Variants in NDRG1 observed in about 807,000 individuals in gnomAD.
The protein encoded by NDRG1 is N-myc downstream regulated 1.
A neutral mutation model predicts 56.9 loss-of-function variants in NDRG1; 32 were observed. The ratio of observed to expected loss-of-function variants is 0.56; its 90% CI spans 0.42 to 0.76. The LOEUF is 0.76. Ranked by LOEUF, NDRG1 falls within the 30% of genes least tolerant of loss-of-function variation. The pLI is 0.00. For synonymous variants in NDRG1, 211 were observed against 204.1 expected, an observed-to-expected ratio of 1.03 and a Z score of -0.29; for missense variants, 507 against 545.7, an observed-to-expected ratio of 0.93 and a Z score of 0.71.
chr8:133,295,266 C>T (rs975387595), intron 1 of NDRG1, among the ~76,000 whole-genome samples: 1 of 152,242 alleles, frequency 6.6e-6, no homozygotes, highest in Admixed American at 6.5e-5. Context: ...TATTTCAACT[C>T]CTCCCACCTG....
intron 5 of NDRG1, among the ~76,000 whole-genome samples, chr8:133,261,342 G>C (rs1457778289): frequency 6.6e-6 from 1 of 152,152 alleles, no homozygotes; most frequent in African/African-American, 2.4e-5. Flanking sequence ...ATGTTGGCCA[G>C]GCTGGTCTCA....
chr8:133,247,224 C>A (rs1039211114), intron 12 of NDRG1, among the ~76,000 whole-genome samples: 10 of 152,178 alleles, frequency 6.6e-5, no homozygotes, highest in Non-Finnish European at 1.2e-4. Flanking sequence ...ATTGATGTAT[C>A]CCATGATTAT....
intron 1 of NDRG1, among the ~76,000 whole-genome samples, chr8:133,287,096 A>T (rs1468379140): frequency 2.0e-5 from 3 of 152,206 alleles, no homozygotes; most frequent in Non-Finnish European, 4.4e-5. Flanking sequence ...CCTCAACCAA[A>T]AAACTTTTCA....
chr8:133,240,968 G>A (rs1352526294), intron 15 of NDRG1: 1 of 152,136 alleles, frequency 6.6e-6, no homozygotes, highest in African/African-American at 2.4e-5. Flanking sequence ...GTTGGAAGAG[G>A]GCACCTGGGG....
At chr8:133,252,750 G>A (rs7816917) in intron 9 of NDRG1, among the ~76,000 whole-genome samples, 15,158 of 144,196 alleles carry the variant, frequency 0.11, 971 homozygotes, top group Non-Finnish European at 0.14. Flanking sequence ...TGGGGCCTCT[G>A]TTTCCCTCGT....
chr8:133,280,093 G>T, intron 3 of NDRG1, 139 bp downstream of exon 3: 1 of 969,142 alleles, frequency 1.0e-6, no homozygotes, highest in Non-Finnish European at 1.6e-6. Context: ...AGCTGAGGGT[G>T]AGGACCTAGC....
intron 8 of NDRG1, chr8:133,255,134 C>T (rs1235526502): frequency 8.3e-6 from 3 of 362,760 alleles, no homozygotes; most frequent in Non-Finnish European, 1.6e-5. Context: ...TCCTAGTATA[C>T]AGCAGAAGCT....
At position 133,238,947 on chromosome 8, in the gene NDRG1, C is replaced by T; in HGVS notation, c.1116G>A (p.Leu372=). 1 of 1,574,978 alleles carries T rather than the reference C, an allele frequency of 6.3e-7. No homozygotes were observed. Among genetic ancestry groups the T allele is most frequent in the Non-Finnish European group, 8.6e-7 (1 of 1,161,436 alleles). The change falls in exon 16 of 16, where the codon CTG becomes CTA. Residue 372 remains leucine, a synonymous_variant. Transcript: ENST00000323851. ...CAGCACCCGAGTTGGGGGTGATGTCCAGGTGGGCCCCCTCGCTGGTGTGCG... is the reference window on the plus strand; with the variant it reads ...CAGCACCCGAGTTGGGGGTGATGTCTAGGTGGGCCCCCTCGCTGGTGTGCG... ...SRSHTSEGAH[L]DITPNSGAAG...
At chr8:133,245,454 G>T (rs2929981) in intron 13 of NDRG1, among the ~76,000 whole-genome samples, 116,136 of 151,994 alleles carry the variant, frequency 0.76, 44,456 homozygotes, top group Middle Eastern at 0.83. Context: ...GGGCCCTAAA[G>T]CTAACGGCTG....
intron 9 of NDRG1, 118 bp from the exon 10 acceptor site, chr8:133,250,661 C>T (rs776351924): frequency 1.3e-4 from 114 of 892,192 alleles, no homozygotes; most frequent in Non-Finnish European, 2.0e-4. Context: ...GCCTAATCCA[C>T]AAGACAGCGA....
In NDRG1 at chr8:133,238,837, T is replaced by C. The variant is rs750938805; in HGVS notation, c.*41A>G. 3.9e-6 allele frequency: 6 copies of C among 1,538,940 alleles called. No homozygotes were observed. The highest frequency in any genetic ancestry group is 5.2e-6 in the Non-Finnish European group (6 of 1,146,112). On this transcript the variant is annotated 3_prime_UTR_variant, in exon 16 of 16. Transcript: ENST00000323851. ...AAGGGGCCGGGGAGGAGGGGGCCAC[T>C]ACAGAGATCAGAGTCCGGGGGCGGC...
intron 4 of NDRG1, among the ~76,000 whole-genome samples, chr8:133,264,282 G>A (rs989949454): frequency 5.3e-5 from 8 of 152,206 alleles, no homozygotes; most frequent in African/African-American, 9.7e-5. Flanking sequence ...AACCATATGC[G>A]TGCATTAATA....
chr8:133,239,304 C>T (rs1240962907), intron 15 of NDRG1, 185 bp from the exon 16 acceptor site: 32 of 970,280 alleles, frequency 3.3e-5, no homozygotes, highest in East Asian at 2.9e-4. Flanking sequence ...TGGCAAGGCC[C>T]AGATGCGGGA....
At chr8:133,278,371 T>G (rs1024566111) in intron 3 of NDRG1, among the ~76,000 whole-genome samples, 2 of 152,180 alleles carry the variant, frequency 1.3e-5, no homozygotes, top group East Asian at 3.9e-4. Context: ...CCCCTTTCTC[T>G]GTCCCTCAGG....
At chr8:133,263,780 G>A (rs906918897) in intron 4 of NDRG1, among the ~76,000 whole-genome samples, 6 of 152,068 alleles carry the variant, frequency 3.9e-5, no homozygotes, top group Non-Finnish European at 5.9e-5. Context: ...GTCAGGCGTG[G>A]TGGTGGGTGC....
chr8:133,253,370 C>T (rs908453301), intron 9 of NDRG1, among the ~76,000 whole-genome samples: 13 of 152,340 alleles, frequency 8.5e-5, no homozygotes, highest in African/African-American at 2.9e-4. Context: ...GTTCTAATAC[C>T]GGCCCCACCT....
chr8:133,238,052 A>G lies in NDRG1; in HGVS notation c.*826T>C. ...AATGATCTTCTCCCTGAACAAGAAT[A>G]ATCACTGGCTCATGTATCAGGGGTG... On this transcript the variant is annotated 3_prime_UTR_variant, in exon 16 of 16. Transcript: ENST00000323851. 1 of 233,170 alleles carries G rather than the reference A, an allele frequency of 4.3e-6. No individual in the cohort carries two copies. Among genetic ancestry groups the G allele is most frequent in the Non-Finnish European group, 8.5e-6 (1 of 117,958 alleles). 14.4% of individuals were successfully genotyped at this position (233,170 alleles called of 1,614,324 possible). A position where few individuals can be genotyped will look rare whatever the true frequency, so the allele number is the denominator to read the frequency against.
At position 133,239,047 on chromosome 8, in the gene NDRG1, C is replaced by A; in HGVS notation, c.1016G>T (p.Gly339Val). The change falls in exon 16 of 16, where the codon GGC becomes GTC. Residue 339 changes from glycine (G) to valine (V), a missense_variant. Physicochemically the swap from Gly to Val is moderately radical, Grantham distance 109. Coordinates refer to ENST00000323851, the MANE Select transcript of NDRG1 (RefSeq NM_006096.4). ...ASGSSVTSLDGTRSRSHTSEG... is the reference protein window; with the variant it reads ...ASGSSVTSLDVTRSRSHTSEG... The stretch of plus-strand genomic sequence containing the variant: ...GCTGGTGTGGGAGCGGCTGCGGGTG[C>A]CATCCAGAGAAGTGACGCTGGAACC... 6.3e-7 allele frequency: 1 copy of A among 1,594,296 alleles called. No individual in the cohort carries two copies. The highest frequency in any genetic ancestry group is 8.5e-7 in the Non-Finnish European group (1 of 1,171,900).
chr8:133,249,572 T>C (rs1455229027), intron 10 of NDRG1: 2 of 153,798 alleles, frequency 1.3e-5, no homozygotes, highest in Non-Finnish European at 2.9e-5. Context: ...AAGTTAACAG[T>C]GTGGAGTCTG....
Sources: gnomAD v4.1 joint callset for allele counts (sites outside exome capture counted in the v4.1 genomes callset) on GRCh38, gnomAD v4.1.1 for gene constraint, MANE v1.5 for transcripts, NCBI Gene and HGNC (gene_info 2026-07-23, HGNC 2026-07-21) for gene names.